Variants in CD22 observed in about 807,000 individuals in gnomAD.
The protein encoded by CD22 is CD22 molecule.
In CD22, 51 loss-of-function variants were observed where a neutral mutation model predicts 94.7. That is an observed-to-expected ratio of 0.54 (90% CI 0.43 to 0.68). The LOEUF (loss-of-function observed/expected upper bound fraction) is 0.68. Ranked by LOEUF, CD22 falls within the 30% of genes least tolerant of loss-of-function variation. The pLI is 0.00. For missense variants in CD22, 931 were observed against 1,060.4 expected (o/e 0.88, Z 1.69); for synonymous variants, 424 against 422.5 (o/e 1.00, Z -0.04).
intron 1 of CD22, chr19:35,329,944 T>A (rs2066622389): frequency 6.6e-6 from 1 of 152,598 alleles, no homozygotes; most frequent in African/African-American, 2.4e-5. Flanking sequence ...GTATGGACAA[T>A]GTATTATACT....
Position 35,332,726 on chromosome 19 carries a change from G to C in CD22, c.214G>C (p.Asp72His). 1 of 1,614,162 alleles carries C rather than the reference G, an allele frequency of 6.2e-7. No individual in the cohort carries two copies. The highest frequency in any genetic ancestry group is 8.5e-7 in the Non-Finnish European group (1 of 1,180,028). Residue 72 changes from aspartate (D) to histidine (H), a missense_variant, in exon 3 of 14, where the codon GAT (aspartate) becomes CAT (histidine). By Grantham distance (81) the Asp-to-His change is moderately conservative. Coordinates refer to ENST00000085219, the MANE Select transcript of CD22 (RefSeq NM_001771.4). ...GTATAACAAGAACACCTCGAAGTTTGATGGGACAAGACTCTATGAAAGCAC... is the reference window on the plus strand; with the variant it reads ...GTATAACAAGAACACCTCGAAGTTTCATGGGACAAGACTCTATGAAAGCAC... Reference protein sequence around the residue: ...PEYNKNTSKFDGTRLYESTKD... With the variant: ...PEYNKNTSKFHGTRLYESTKD...
At position 35,337,927 on chromosome 19, in the gene CD22, C is replaced by G. The variant is rs779035355; in HGVS notation, c.891C>G (p.Arg297=). The part of the protein sequence containing the change: ...KKQNTFTLNL[R]EVTKDQSGKY... ...AGAATACATTCACGCTAAACCTGCGCGAAGTGACCAAGGACCAGAGTGGGA... is the reference window on the plus strand; with the variant it reads ...AGAATACATTCACGCTAAACCTGCGGGAAGTGACCAAGGACCAGAGTGGGA... The change falls in exon 5 of 14, where the codon CGC becomes CGG. Residue 297 remains arginine (R), a synonymous_variant. Coordinates refer to ENST00000085219, the MANE Select transcript of CD22 (RefSeq NM_001771.4). This position sits in a 1 kb window ranked among gnomAD's most constrained non-coding sequence, Gnocchi z 4.4. 1.9e-6 allele frequency: 3 copies of G among 1,614,220 alleles called. No individual in the cohort carries two copies. The Admixed American group carries it at 5.0e-5, about 27-fold the overall frequency.
intron 13 of CD22, among the ~76,000 whole-genome samples, 155 bp downstream of exon 13, chr19:35,346,390 C>T (rs1182641751): frequency 6.6e-6 from 1 of 152,166 alleles, no homozygotes; most frequent in Non-Finnish European, 1.5e-5. Flanking sequence ...CAGAGCTGGC[C>T]AGAGCCAGGC....
chr19:35,335,077 C>CAAAAAA (rs35391333), intron 3 of CD22, among the ~76,000 whole-genome samples: 24 of 73,680 alleles, frequency 3.3e-4, no homozygotes, highest in Non-Finnish European at 4.9e-4. Flanking sequence ...GACTCTGTCT[C>CAAAAAA]AAAAAAAAAA....
chr19:35,342,041 CCTTCCTTCCTTCCTTT>C lies in CD22; in HGVS notation c.2035+80_2035+95del, dbSNP rs1438854738. 233 of 949,838 alleles carry C rather than the reference CCTTCCTTCCTTCCTTT, an allele frequency of 2.5e-4. No individual in the cohort carries two copies. The African/African-American group carries it at 2.5e-3, about 10-fold the overall frequency. The allele number at this position is 949,838 out of a possible 1,614,324, so 58.8% of individuals were successfully genotyped here. A position where few individuals can be genotyped will look rare whatever the true frequency, so the allele number is the denominator to read the frequency against. ...TCCTTCCTTCCTTCCTTCCTTCCTT[CCTTCCTTCCTTCCTTT>C]CTTTCTCTCTTTCTTTTCCTCCTCC... On this transcript the variant is annotated intron_variant, in intron 9 of 13. Transcript: ENST00000085219.
At chr19:35,346,007 C>A in intron 12 of CD22, 144 bp from the exon 13 acceptor site, 2 of 680,346 alleles carry the variant, frequency 2.9e-6, no homozygotes, top group African/African-American at 1.8e-5. Flanking sequence ...CGAGCTCCTA[C>A]TGTGAGCTTT....
chr19:35,345,284 G>A, intron 11 of CD22, 158 bp downstream of exon 11: 2 of 649,964 alleles, frequency 3.1e-6, no homozygotes, highest in African/African-American at 1.8e-5. Flanking sequence ...AGCCGGGCGT[G>A]ATGGTCCATG....
intron 3 of CD22, among the ~76,000 whole-genome samples, chr19:35,333,280 T>C (rs2066671816): frequency 6.6e-6 from 1 of 152,288 alleles, no homozygotes; most frequent in Non-Finnish European, 1.5e-5. Context: ...TGGGTCTGCA[T>C]GTAACCAGCC....
rs772926044 is a variant in CD22 at position 35,345,473 on chromosome 19, T to C, written c.2209-129T>C. ...GTAGGCATGAGGCAGACTGTGAAGC[T>C]GAGTGGGGAAACAAGGTGAAGGAAG... On this transcript the variant is annotated intron_variant, in intron 11 of 13. Coordinates refer to ENST00000085219, the MANE Select transcript of CD22 (RefSeq NM_001771.4). 19 of 630,932 alleles carry C rather than the reference T, an allele frequency of 3.0e-5. No individual in the cohort carries two copies. The East Asian group carries it at 4.7e-4, about 16-fold the overall frequency. The allele number at this position is 630,932 out of a possible 1,614,324, so 39.1% of individuals were successfully genotyped here. A position where few individuals can be genotyped will look rare whatever the true frequency, so the allele number is the denominator to read the frequency against.
At chr19:35,332,216 T>A in intron 2 of CD22, 142 bp downstream of exon 2, 1 of 867,080 alleles carries the variant, frequency 1.2e-6, no homozygotes, top group South Asian at 1.5e-5. Context: ...CATACAAATA[T>A]ATATGTTTCC....
At chr19:35,331,700 T>G (rs1388758080) in intron 1 of CD22, 3 of 267,680 alleles carry the variant, frequency 1.1e-5, no homozygotes, top group Non-Finnish European at 2.2e-5. Flanking sequence ...AATACAAAAA[T>G]CAGCCAGGCG....
At chr19:35,342,113 T>C (rs2872087) in intron 9 of CD22, 148 bp downstream of exon 9, 474,269 of 651,724 alleles carry the variant, frequency 0.73, 172,929 homozygotes, top group Middle Eastern at 0.87. Flanking sequence ...TCTTCCTCCT[T>C]CTTCTTCTTC....
intron 3 of CD22, among the ~76,000 whole-genome samples, chr19:35,333,837 A>C (rs978657076): frequency 3.3e-5 from 5 of 152,188 alleles, no homozygotes; most frequent in African/African-American, 1.2e-4. Context: ...GGCATGAGTC[A>C]CCGCACCCGG....
At chr19:35,332,326 T>C (rs919310518) in intron 2 of CD22, 1 of 647,214 alleles carries the variant, frequency 1.5e-6, no homozygotes, top group African/African-American at 1.8e-5. Context: ...TTTAGAAAGC[T>C]CTCTGCTGGG....
Position 35,346,557 on chromosome 19 carries a change from T to A in CD22, c.2413-9T>A. ...TGGGGCCAGGCTAACCACCATGCGG[T>A]TTTCTCAGGGCGACTATGAGAACGT... On this transcript the variant is annotated splice_polypyrimidine_tract_variant and intron_variant, in intron 13 of 13. Coordinates refer to ENST00000085219, the MANE Select transcript of CD22 (RefSeq NM_001771.4). 6.3e-7 allele frequency: 1 copy of A among 1,594,680 alleles called. No individual in the cohort carries two copies. The highest frequency in any genetic ancestry group is 8.6e-7 in the Non-Finnish European group (1 of 1,169,084).
At chr19:35,331,810 G>A in intron 1 of CD22, 1 of 966,336 alleles carries the variant, frequency 1.0e-6, no homozygotes, top group Non-Finnish European at 1.4e-6. Context: ...TCACACCACT[G>A]CACTCTAGCC....
At chr19:35,339,001 G>A (rs1415488251) in intron 6 of CD22, among the ~76,000 whole-genome samples, 1 of 151,810 alleles carries the variant, frequency 6.6e-6, no homozygotes, top group Non-Finnish European at 1.5e-5. Context: ...TTAGGAGGCT[G>A]AGGCAGGAGG....
In CD22 at chr19:35,337,879, G is replaced by T. The variant is rs757854964; in HGVS notation, c.843G>T (p.Lys281Asn). 8 of 1,614,104 alleles carry T rather than the reference G, an allele frequency of 5.0e-6. No homozygotes were observed. The Admixed American group carries it at 1.3e-4, about 27-fold the overall frequency. The change falls in exon 5 of 14, where the codon AAG becomes AAT. Residue 281 changes from lysine (K) to asparagine (N), a missense_variant. Transcript: ENST00000085219. The surrounding 1 kb of genome is among the most constrained non-coding windows in gnomAD (Gnocchi z 4.4). ...AGTACACGACGGTATCCTGGCTCAA[G>T]GATGGGACCTCGCTGAAGAAGCAGA... ...NPEYTTVSWL[K>N]DGTSLKKQNT...
At chr19:35,345,793 C>A in intron 12 of CD22, 73 bp downstream of exon 12, 1 of 1,051,590 alleles carries the variant, frequency 9.5e-7, no homozygotes, top group South Asian at 1.3e-5. Context: ...TCCCGCCTGC[C>A]CTCTTTGTGC....
Sources: gnomAD v4.1 joint callset for allele counts (sites outside exome capture counted in the v4.1 genomes callset) on GRCh38, gnomAD v4.1.1 for gene constraint, Gnocchi (gnomAD v3.1) non-coding constraint, MANE v1.5 for transcripts, NCBI Gene and HGNC (gene_info 2026-07-23, HGNC 2026-07-21) for gene names.